RPTOR: variants seen among roughly 807,000 people sequenced by gnomAD.
RPTOR encodes regulatory-associated protein of mTOR.
In RPTOR, 21 loss-of-function variants were observed where a neutral mutation model predicts 169.9. The ratio of observed to expected loss-of-function variants is 0.12; its 90% confidence interval spans 0.09 to 0.18. The LOEUF (loss-of-function observed/expected upper bound fraction) is 0.18. RPTOR is among the 10% of genes least tolerant of loss of function. The pLI, the probability that RPTOR is intolerant of heterozygous loss-of-function variation, is 1.00. For synonymous variants in RPTOR, 732 were observed against 753.2 expected, an observed-to-expected ratio of 0.97 and a Z score of 0.46; for missense variants, 1,133 against 1,855.9, an observed-to-expected ratio of 0.61 and a Z score of 7.16.
rs560409938 is a variant in RPTOR, at chr17:80,730,680, G to A, written c.628G>A (p.Ala210Thr). Reference sequence around the variant, plus strand: ...GATCGTCAAGTCCTTCAAGCAGTTCGCACTACAGCGGGAGCAGGAGCTGGA... The same window carrying A: ...GATCGTCAAGTCCTTCAAGCAGTTCACACTACAGCGGGAGCAGGAGCTGGA... ...GLIVKSFKQFALQREQELEVA... is the reference protein window; with the variant it reads ...GLIVKSFKQFTLQREQELEVA... The change falls in exon 5 of 34, where the codon GCA (alanine) becomes ACA (threonine). Residue 210 changes from alanine (A) to threonine (T), a missense_variant. Transcript: ENST00000306801. This position sits in a 1 kb window ranked among gnomAD's most constrained non-coding sequence, Gnocchi z 4.2. The A allele has an allele frequency of 2.6e-5, 40 of 1,530,356 alleles. No individual in the cohort carries two copies. The highest frequency in any genetic ancestry group is 8.3e-5 in the African/African-American group (6 of 72,130). The allele number at this position is 1,530,356 out of a possible 1,614,324, so 94.8% of individuals were successfully genotyped here.
chr17:80,584,675 C>G (rs184797928), intron 1 of RPTOR, among the ~76,000 whole-genome samples: 2 of 152,252 alleles, frequency 1.3e-5, no homozygotes, highest in Admixed American at 6.5e-5. Context: ...TTATCTGAGA[C>G]TGGCCCACCG....
chr17:80,864,662 GA>G (rs1305054782), intron 13 of RPTOR, among the ~76,000 whole-genome samples: 1 of 152,198 alleles, frequency 6.6e-6, no homozygotes, highest in East Asian at 1.9e-4. Flanking sequence ...GCCTTGAGGA[GA>G]ATACTCTTCA....
At chr17:80,868,198 T>A in intron 13 of RPTOR, among the ~76,000 whole-genome samples, 1 of 152,140 alleles carries the variant, frequency 6.6e-6, no homozygotes, top group East Asian at 1.9e-4. Context: ...TAAAAACTTG[T>A]GGCAAGAGTA....
intron 1 of RPTOR, among the ~76,000 whole-genome samples, chr17:80,561,510 A>T (rs1292321505): frequency 6.6e-6 from 1 of 151,656 alleles, no homozygotes; most frequent in Non-Finnish European, 1.5e-5. Flanking sequence ...CGCTTACTGT[A>T]GCCTCGACCT....
chr17:80,811,748 C>A (rs35688078), intron 7 of RPTOR, among the ~76,000 whole-genome samples: 14,598 of 133,108 alleles, frequency 0.11, 897 homozygotes, highest in South Asian at 0.16. Flanking sequence ...AACAAGGCCT[C>A]AACCTCACTC....
Position 80,958,297 on chromosome 17 carries a change from G to T in RPTOR, c.3477+567G>T, listed in dbSNP as rs371936101. Among the ~76,000 whole-genome samples, 131 of 149,130 alleles carry T rather than the reference G, an allele frequency of 8.8e-4. 1 individual carries two copies. In the South Asian group the frequency reaches 0.027, roughly 31 times the overall value. The stretch of plus-strand genomic sequence containing the variant: ...TGTAGAAACAGGGGTCTCAGTATTT[G>T]CCCAAGCTGGTCTCGAATTCCTGGC... On this transcript the variant is annotated intron_variant, in intron 29 of 33. Coordinates refer to ENST00000306801, the MANE Select transcript of RPTOR (RefSeq NM_020761.3).
chr17:80,904,333 G>T (rs2068514502), intron 20 of RPTOR, among the ~76,000 whole-genome samples: 7 of 152,310 alleles, frequency 4.6e-5, no homozygotes, highest in Admixed American at 4.6e-4. Flanking sequence ...ACATCAGAGG[G>T]CGTAACCCGC....
chr17:80,853,754 G>A (rs770803530), intron 11 of RPTOR, among the ~76,000 whole-genome samples: 1 of 152,210 alleles, frequency 6.6e-6, no homozygotes, highest in African/African-American at 2.4e-5. Context: ...CAAGGCGGGT[G>A]GATCACAAGG....
chr17:80,700,653 TA>T (rs1159821843), intron 3 of RPTOR, among the ~76,000 whole-genome samples: 5 of 147,292 alleles, frequency 3.4e-5, no homozygotes, highest in Admixed American at 1.3e-4. Context: ...GTGGTGATGG[TA>T]GAGATGATGG....
rs1298623680 is a variant in RPTOR, at chr17:80,711,742, G to GTTTTTTTTTTTTTTTTTTTTT, written c.507+3744_507+3745insTTTTTTTTTTTTTTTTTTTTT. Among the ~76,000 whole-genome samples, 10 of 51,384 alleles carry GTTTTTTTTTTTTTTTTTTTTT rather than the reference G, an allele frequency of 1.9e-4. 1 individual carries two copies. The highest frequency in any genetic ancestry group is 2.9e-4 in the Non-Finnish European group (8 of 27,876). 33.7% of individuals were successfully genotyped at this position (51,384 alleles called of 152,430 possible). ...GAAGTTAACATATAGTTATACATCA[G>GTTTTTTTTTTTTTTTTTTTTT]TCTTTTTTTTTTTTTTTTGAGGTTA... On this transcript the variant is annotated intron_variant, in intron 4 of 33. Transcript: ENST00000306801.
In RPTOR at chr17:80,878,987, G is replaced by A. The variant is rs567247656; in HGVS notation, c.1510-1428G>A. 7.9e-5 allele frequency among the ~76,000 whole-genome samples: 12 copies of A among 151,370 alleles called. No individual in the cohort carries two copies. The highest frequency in any genetic ancestry group is 2.1e-4 in the South Asian group (1 of 4,748). ...CCTCCTTCCCCAGGCCCCGTCCCCC[G>A]CCTTGCCCTCTGAAAGTGGTCTTCA... On this transcript the variant is annotated intron_variant, in intron 13 of 33. Transcript: ENST00000306801. The surrounding 1 kb of genome is among the most constrained non-coding windows in gnomAD (Gnocchi z 4.1).
At chr17:80,620,632 G>T (rs1275146636) in intron 1 of RPTOR, among the ~76,000 whole-genome samples, 1 of 152,210 alleles carries the variant, frequency 6.6e-6, no homozygotes, top group Non-Finnish European at 1.5e-5. Context: ...TGGGCATGCT[G>T]GTAGGCGCCT....
At chr17:80,854,860 T>C (rs553387324) in intron 11 of RPTOR, among the ~76,000 whole-genome samples, 90 of 152,284 alleles carry the variant, frequency 5.9e-4, no homozygotes, top group African/African-American at 1.9e-3. Context: ...GCATCTATAC[T>C]CTAGCTTGGG....
At chr17:80,963,806 C>G (rs143891611) in intron 33 of RPTOR, among the ~76,000 whole-genome samples, 1 of 149,236 alleles carries the variant, frequency 6.7e-6, no homozygotes, top group Non-Finnish European at 1.5e-5. Flanking sequence ...GCGGCCCTCA[C>G]CCCGTCCGCT....
intron 3 of RPTOR, among the ~76,000 whole-genome samples, chr17:80,689,500 C>T (rs574875079): frequency 1.7e-4 from 26 of 152,320 alleles, no homozygotes; most frequent in Admixed American, 9.8e-4. Flanking sequence ...GCTTTGTAAG[C>T]GCCAAGGATT....
At chr17:80,704,456 G>T (rs951323835) in intron 3 of RPTOR, among the ~76,000 whole-genome samples, 1 of 152,104 alleles carries the variant, frequency 6.6e-6, no homozygotes, top group Non-Finnish European at 1.5e-5. Context: ...CATCATTTTC[G>T]TAAGTCTTAG....
intron 4 of RPTOR, among the ~76,000 whole-genome samples, chr17:80,714,000 G>A (rs911901421): frequency 5.3e-5 from 8 of 152,072 alleles, no homozygotes; most frequent in Admixed American, 3.3e-4. Context: ...GTGCAGTGGC[G>A]TGATCTCGGC....
chr17:80,963,197 C>A, intron 33 of RPTOR, 140 bp downstream of exon 33: 1 of 849,400 alleles, frequency 1.2e-6, no homozygotes, highest in Non-Finnish European at 1.8e-6. Context: ...GAGGGACTTG[C>A]CTGGGTCCCA....
At chr17:80,953,871 G>A (rs8066071) in intron 28 of RPTOR, among the ~76,000 whole-genome samples, 18,254 of 152,278 alleles carry the variant, frequency 0.12, 2,751 homozygotes, top group African/African-American at 0.36. Context: ...GCCTCCCAGC[G>A]GAGGAGCAGG....
Sources: allele counts gnomAD v4.1 joint callset (sites outside exome capture counted in the v4.1 genomes callset), GRCh38; gene constraint gnomAD v4.1.1; non-coding constraint Gnocchi (gnomAD v3.1); transcripts MANE v1.5; gene names NCBI Gene and HGNC (gene_info 2026-07-23, HGNC 2026-07-21).